NIPAL3: variants seen among roughly 807,000 people sequenced by gnomAD.
The protein encoded by NIPAL3 is NIPA-like protein 3.
In NIPAL3, 41 loss-of-function variants were observed where a neutral mutation model predicts 47.2. That is an observed-to-expected ratio of 0.87 (90% confidence interval 0.68 to 1.13). The LOEUF (loss-of-function observed/expected upper bound fraction) is 1.13, where lower values mean the gene tolerates loss of function less well. Among genes scored for constraint, NIPAL3 ranks in the 50% most tolerant of loss-of-function variants. NIPAL3 has a pLI of 0.00. For synonymous variants in NIPAL3, 194 were observed against 209.6 expected, an observed-to-expected ratio of 0.93 and a Z score of 0.64; for missense variants, 449 against 530.1, an observed-to-expected ratio of 0.85 and a Z score of 1.50.
At chr1:24,419,240 C>T in intron 1 of NIPAL3, 51 bp from the exon 2 acceptor site, 1 of 960,066 alleles carries the variant, frequency 1.0e-6, no homozygotes. Context: ...CAAAGCTGGG[C>T]TCAGTGTTTC....
chr1:24,443,629 C>T (rs1645505231), intron 4 of NIPAL3, among the ~76,000 whole-genome samples: 1 of 152,208 alleles, frequency 6.6e-6, no homozygotes, highest in Admixed American at 6.5e-5. Context: ...ATTTACTTTC[C>T]CTGATCCTGT....
At chr1:24,420,920 A>G (rs1194706154) in intron 2 of NIPAL3, among the ~76,000 whole-genome samples, 2 of 152,240 alleles carry the variant, frequency 1.3e-5, no homozygotes, top group East Asian at 1.9e-4. Context: ...GTCAAAGGGA[A>G]TGCACCTTTT....
chr1:24,471,621 A>G lies in NIPAL3; in HGVS notation c.*2436A>G, dbSNP rs1188828991. On this transcript the variant is annotated 3_prime_UTR_variant, in exon 12 of 12. Coordinates refer to ENST00000374399, the MANE Select transcript of NIPAL3 (RefSeq NM_020448.5). ...AAAGATAAGCAGTGGAGGCCGAATC[A>G]TGGAGGGTCTTGAATACCTGGCTAA... The G allele has an allele frequency of 6.6e-6, 1 of 150,840 alleles. No individual in the cohort carries two copies. The highest frequency in any genetic ancestry group is 1.5e-5 in the Non-Finnish European group (1 of 67,994). 9.3% of individuals were successfully genotyped at this position (150,840 alleles called of 1,614,324 possible).
chr1:24,433,611 T>G (rs1249731763), intron 2 of NIPAL3, among the ~76,000 whole-genome samples: 3 of 152,262 alleles, frequency 2.0e-5, no homozygotes, highest in African/African-American at 2.4e-5. Context: ...TATTGCCATT[T>G]ATTTGTGCTT....
At position 24,449,390 on chromosome 1, in the gene NIPAL3, A is replaced by G; in HGVS notation, c.395-91A>G. The G allele has an allele frequency of 7.2e-7, 1 of 1,385,468 alleles. No individual in the cohort carries two copies. The highest frequency in any genetic ancestry group is 9.8e-7 in the Non-Finnish European group (1 of 1,015,858). The allele number at this position is 1,385,468 out of a possible 1,614,324, so 85.8% of individuals were successfully genotyped here. On this transcript the variant is annotated intron_variant, in intron 5 of 11. Coordinates refer to ENST00000374399, the MANE Select transcript of NIPAL3 (RefSeq NM_020448.5). The surrounding 1 kb of genome is among the most constrained non-coding windows in gnomAD (Gnocchi z 4.5). ...ACAATACCAGGTCATGGTATGTTGCAGGAGAAGCCTGTTTTTTCATGGCTG... is the reference window on the plus strand; with the variant it reads ...ACAATACCAGGTCATGGTATGTTGCGGGAGAAGCCTGTTTTTTCATGGCTG...
Position 24,454,586 on chromosome 1 carries a change from A to T in NIPAL3, c.637+1082A>T. On this transcript the variant is annotated intron_variant, in intron 7 of 11. Transcript: ENST00000374399. This position sits in a 1 kb window ranked among gnomAD's most constrained non-coding sequence, Gnocchi z 4.1. ...TTGAGATATAATTTACATACCATAA[A>T]GTTCACCTGTTTAAAGTATACAATT... 8 of 962,996 alleles carry T rather than the reference A, an allele frequency of 8.3e-6. No individual in the cohort carries two copies. Among genetic ancestry groups the T allele is most frequent in the Non-Finnish European group, 9.9e-6 (8 of 809,222 alleles). The allele number at this position is 962,996 out of a possible 1,614,324, so 59.7% of individuals were successfully genotyped here.
At chr1:24,433,578 C>T (rs1288713908) in intron 2 of NIPAL3, among the ~76,000 whole-genome samples, 1 of 152,184 alleles carries the variant, frequency 6.6e-6, no homozygotes, top group Non-Finnish European at 1.5e-5. Context: ...GACATTCCAC[C>T]TTTTTCTGAG....
intron 2 of NIPAL3, among the ~76,000 whole-genome samples, chr1:24,428,172 G>A (rs918979624): frequency 2.0e-5 from 3 of 151,762 alleles, no homozygotes; most frequent in Admixed American, 1.3e-4. Flanking sequence ...AGCCAGAGAT[G>A]GAGGTTGCAG....
At position 24,471,131 on chromosome 1, in the gene NIPAL3, G is replaced by T. The variant is rs1032149414; in HGVS notation, c.*1946G>T. The T allele has an allele frequency of 2.0e-5, 3 of 152,188 alleles. No homozygotes were observed. The East Asian group carries it at 5.8e-4, about 29-fold the overall frequency. 9.4% of individuals were successfully genotyped at this position (152,188 alleles called of 1,614,324 possible). On this transcript the variant is annotated 3_prime_UTR_variant, in exon 12 of 12. Coordinates refer to ENST00000374399, the MANE Select transcript of NIPAL3 (RefSeq NM_020448.5). Reference sequence around the variant, plus strand: ...GATGATTTTGGCCCCACTCATAGATGGGTGGCAAATCTAAGATTTGTATAA... The same window carrying T: ...GATGATTTTGGCCCCACTCATAGATTGGTGGCAAATCTAAGATTTGTATAA...
At chr1:24,423,628 T>TCACA (rs1489361558) in intron 2 of NIPAL3, among the ~76,000 whole-genome samples, 2 of 151,802 alleles carry the variant, frequency 1.3e-5, no homozygotes, top group Admixed American at 6.6e-5. Context: ...AGACTCCGCC[T>TCACA]CACACACACA....
At position 24,472,027 on chromosome 1, in the gene NIPAL3, G is replaced by A. The variant is rs1410995254; in HGVS notation, c.*2842G>A. On this transcript the variant is annotated 3_prime_UTR_variant, in exon 12 of 12. Coordinates refer to ENST00000374399, the MANE Select transcript of NIPAL3 (RefSeq NM_020448.5). ...CCTTCCCTTTTTTTTTTTTTTTTTT[G>A]GTATGGGCCTTTTAGGCTTGGGCCA... The A allele has an allele frequency of 2.2e-5, 2 of 92,464 alleles. No homozygotes were observed. Among genetic ancestry groups the A allele is most frequent in the African/African-American group, 7.6e-5 (2 of 26,306 alleles). 5.7% of individuals were successfully genotyped at this position (92,464 alleles called of 1,614,324 possible). A position where few individuals can be genotyped will look rare whatever the true frequency, so the allele number is the denominator to read the frequency against.
chr1:24,433,206 G>C (rs906216460), intron 2 of NIPAL3: 1 of 152,188 alleles, frequency 6.6e-6, no homozygotes, highest in African/African-American at 2.4e-5. Context: ...ACAGAGGCTG[G>C]ATTCAAGGTG....
rs527599313 is a variant in NIPAL3 at position 24,453,352 on chromosome 1, C to T, written c.541-56C>T. 9.7e-5 allele frequency: 125 copies of T among 1,287,644 alleles called. 5 individuals are homozygous for T. The Middle Eastern group carries it at 8.7e-3, about 90-fold the overall frequency. The allele number at this position is 1,287,644 out of a possible 1,614,324, so 79.8% of individuals were successfully genotyped here. ...GATGGCCCAGCCCACCAGGGTCTCCCGGTCTCGCCTACTTCTGTGGTCCCC... is the reference window on the plus strand; with the variant it reads ...GATGGCCCAGCCCACCAGGGTCTCCTGGTCTCGCCTACTTCTGTGGTCCCC... On this transcript the variant is annotated intron_variant, in intron 6 of 11. Coordinates refer to ENST00000374399, the MANE Select transcript of NIPAL3 (RefSeq NM_020448.5).
At chr1:24,430,583 G>C (rs911776495) in intron 2 of NIPAL3, among the ~76,000 whole-genome samples, 2 of 152,132 alleles carry the variant, frequency 1.3e-5, no homozygotes, top group South Asian at 4.1e-4. Flanking sequence ...CTCCTTCCAA[G>C]TTACATGCTA....
At chr1:24,430,260 G>C (rs1025310674) in intron 2 of NIPAL3, among the ~76,000 whole-genome samples, 3 of 136,056 alleles carry the variant, frequency 2.2e-5, no homozygotes, top group African/African-American at 8.2e-5. Flanking sequence ...CCTTTTTTTT[G>C]AGACAGAGTC....
At chr1:24,460,027 T>C (rs527511796) in intron 9 of NIPAL3, among the ~76,000 whole-genome samples, 17 of 152,316 alleles carry the variant, frequency 1.1e-4, no homozygotes, top group Middle Eastern at 3.4e-3. Flanking sequence ...TAGAAAGCTC[T>C]AACAGCATAA....
rs1036877939 is a variant in NIPAL3 at position 24,465,930 on chromosome 1, G to C, written c.1021+1810G>C. Reference sequence around the variant, plus strand: ...AGAATAAAACTGCTGAACAGTCTCAGTCTAAACAGAGGTGCTTTTCCAGCC... The same window carrying C: ...AGAATAAAACTGCTGAACAGTCTCACTCTAAACAGAGGTGCTTTTCCAGCC... On this transcript the variant is annotated intron_variant, in intron 11 of 11. Transcript: ENST00000374399. 10 of 1,526,120 alleles carry C rather than the reference G, an allele frequency of 6.6e-6. No individual in the cohort carries two copies. The African/African-American group carries it at 1.1e-4, about 17-fold the overall frequency. The allele number at this position is 1,526,120 out of a possible 1,614,324, so 94.5% of individuals were successfully genotyped here.
At chr1:24,426,470 T>C (rs1321711032) in intron 2 of NIPAL3, among the ~76,000 whole-genome samples, 3 of 152,100 alleles carry the variant, frequency 2.0e-5, no homozygotes, top group Non-Finnish European at 2.9e-5. Context: ...AATTTTTGTA[T>C]TGTTAGTAGA....
At chr1:24,441,420 T>G (rs946777087) in intron 3 of NIPAL3, among the ~76,000 whole-genome samples, 1 of 152,214 alleles carries the variant, frequency 6.6e-6, no homozygotes, top group African/African-American at 2.4e-5. Context: ...CTTGGCCCTC[T>G]AAGTCAACAT....
Sources: gnomAD v4.1 joint callset for allele counts (sites outside exome capture counted in the v4.1 genomes callset) on GRCh38, gnomAD v4.1.1 for gene constraint, Gnocchi (gnomAD v3.1) non-coding constraint, MANE v1.5 for transcripts, NCBI Gene and HGNC (gene_info 2026-07-23, HGNC 2026-07-21) for gene names.